The following LRRC37A2 variants were observed in gnomAD, a reference collection of about 807,000 sequenced individuals.
LRRC37A2 encodes leucine rich repeat containing 37 member A2.
Under a neutral mutation model 68.8 loss-of-function variants are expected in LRRC37A2, and 9 were observed. The ratio of observed to expected loss-of-function variants is 0.13; its 90% CI spans 0.08 to 0.23. LRRC37A2 has a LOEUF of 0.23. LRRC37A2 is among the 10% of genes least tolerant of loss of function. The pLI is 1.00. For missense variants in LRRC37A2, 168 were observed against 950.4 expected (o/e 0.18, Z 10.82); for synonymous variants, 63 against 367.6 (o/e 0.17, Z 9.48).
At chr17:46,988,943 G>C in the LRRC37A2 span, among the ~76,000 whole-genome samples, 1 of 152,194 alleles carries the variant, frequency 6.6e-6, no homozygotes, top group African/African-American at 2.4e-5. Flanking sequence ...ACGGTGAGAA[G>C]GTGCGAATAG....
At chr17:46,963,023 TAAAG>T in the LRRC37A2 span, among the ~76,000 whole-genome samples, 13,415 of 152,258 alleles carry the variant, frequency 0.088, 810 homozygotes, top group Non-Finnish European at 0.13. Flanking sequence ...ACATGGCTAA[TAAAG>T]AATAGAAGCA....
At chr17:46,767,286 T>A in the LRRC37A2 span, among the ~76,000 whole-genome samples, 1 of 152,086 alleles carries the variant, frequency 6.6e-6, no homozygotes, top group African/African-American at 2.4e-5. Context: ...ACTCTGAACT[T>A]GAATCCCTCC....
chr17:46,819,498 C>G, the LRRC37A2 span, among the ~76,000 whole-genome samples: 1 of 152,272 alleles, frequency 6.6e-6, no homozygotes, highest in Non-Finnish European at 1.5e-5. This position sits in a 1 kb window ranked among gnomAD's most constrained non-coding sequence, Gnocchi z 5.3. Context: ...CGACCTCTGG[C>G]CCGGGTCGGA....
the LRRC37A2 span, among the ~76,000 whole-genome samples, chr17:46,735,803 G>A: frequency 0.67 from 102,403 of 151,954 alleles, 35,682 homozygotes; most frequent in South Asian, 0.81. Context: ...AAATTAGCTC[G>A]ACGTGGTGGT....
chr17:46,792,844 T>C, the LRRC37A2 span, among the ~76,000 whole-genome samples: 1 of 152,134 alleles, frequency 6.6e-6, no homozygotes, highest in Non-Finnish European at 1.5e-5. Context: ...TGTAAAGCAC[T>C]TTACATAGAA....
At chr17:46,947,810 C>T in the LRRC37A2 span, among the ~76,000 whole-genome samples, 3 of 152,152 alleles carry the variant, frequency 2.0e-5, no homozygotes, top group Non-Finnish European at 4.4e-5. Flanking sequence ...CTCTTGTTGC[C>T]CAGGCTGGAG....
the LRRC37A2 span, among the ~76,000 whole-genome samples, chr17:46,883,312 C>T: frequency 8.9e-5 from 12 of 134,722 alleles, no homozygotes; most frequent in Admixed American, 7.0e-4. Context: ...GAGATGGAGT[C>T]TCGCTTTTGT....
chr17:46,937,374 G>A, the LRRC37A2 span: 3 of 152,182 alleles, frequency 2.0e-5, no homozygotes, highest in East Asian at 1.9e-4. Flanking sequence ...CTAGAGAGCC[G>A]AGGACAAGTT....
the LRRC37A2 span, among the ~76,000 whole-genome samples, chr17:46,997,187 C>T: frequency 1.3e-5 from 2 of 151,850 alleles, no homozygotes; most frequent in Non-Finnish European, 2.9e-5. Context: ...CCCATCTGTA[C>T]TAAAAATACA....
At chr17:46,589,261 G>A in the LRRC37A2 span, among the ~76,000 whole-genome samples, 1 of 83,176 alleles carries the variant, frequency 1.2e-5, no homozygotes, top group African/African-American at 9.0e-5. Flanking sequence ...ACCCACCCAT[G>A]ATTTAGCTAA....
the LRRC37A2 span, among the ~76,000 whole-genome samples, chr17:46,568,982 G>A: frequency 7.9e-5 from 8 of 101,654 alleles, no homozygotes; most frequent in East Asian, 5.2e-4. Context: ...TCGCCCTGTC[G>A]CCCAGGCTGG....
At chr17:46,962,041 A>T in the LRRC37A2 span, among the ~76,000 whole-genome samples, 1 of 152,188 alleles carries the variant, frequency 6.6e-6, no homozygotes, top group Non-Finnish European at 1.5e-5. Flanking sequence ...TTCCAAAAAT[A>T]AAAATAGGGG....
the LRRC37A2 span, among the ~76,000 whole-genome samples, chr17:46,495,330 C>G: frequency 2.7e-5 from 4 of 148,158 alleles, no homozygotes; most frequent in African/African-American, 1.0e-4. Flanking sequence ...GCCTTGGCCT[C>G]CCAAAGTGCT....
At chr17:46,610,188 A>C in the LRRC37A2 span, among the ~76,000 whole-genome samples, 2 of 81,464 alleles carry the variant, frequency 2.5e-5, no homozygotes, top group East Asian at 2.7e-4. Flanking sequence ...CTGGTCTTGA[A>C]CTCCTGGCCT....
chr17:46,863,896 T>C, the LRRC37A2 span, among the ~76,000 whole-genome samples: 1 of 152,240 alleles, frequency 6.6e-6, no homozygotes, highest in East Asian at 1.9e-4. Context: ...TGGGGGTGGA[T>C]CCTTGATCAG....
At chr17:46,804,905 C>T in the LRRC37A2 span, among the ~76,000 whole-genome samples, 3 of 149,666 alleles carry the variant, frequency 2.0e-5, no homozygotes, top group African/African-American at 7.5e-5. Flanking sequence ...GGAATAAAAG[C>T]TGCCTCCCCG....
chr17:46,549,408 T>C (rs2056575213), exon 10 of LRRC37A2: 1 of 978,754 alleles, frequency 1.0e-6, no homozygotes, highest in East Asian at 2.5e-5. Context: ...ATCATCCTCA[T>C]GAGGCAGATT....
the LRRC37A2 span, among the ~76,000 whole-genome samples, chr17:46,850,574 T>C: frequency 6.6e-6 from 1 of 152,194 alleles, no homozygotes; most frequent in Non-Finnish European, 1.5e-5. Flanking sequence ...TTGACATTCA[T>C]TGCAAGTTAT....
At chr17:46,728,773 CAAAAAAAAAAAACAA>C in the LRRC37A2 span, 5 of 721,590 alleles carry the variant, frequency 6.9e-6, no homozygotes, top group South Asian at 1.1e-4. Flanking sequence ...ACTTTTGATG[CAAAAAAAAAAAACAA>C]AAACTGAATG....
Sources: allele counts gnomAD v4.1 joint callset (sites outside exome capture counted in the v4.1 genomes callset), GRCh38; gene constraint gnomAD v4.1.1; non-coding constraint Gnocchi (gnomAD v3.1); transcripts MANE v1.5; gene names NCBI Gene and HGNC (gene_info 2026-07-23, HGNC 2026-07-21).